Variants in PACRG observed in about 807,000 individuals in gnomAD.
PACRG encodes parkin coregulated gene protein.
PACRG carries 29 observed loss-of-function variants against 29.7 expected under a neutral mutation model. The observed-to-expected ratio is 0.98, with a 90% CI of 0.73 to 1.33. The LOEUF (loss-of-function observed/expected upper bound fraction) is 1.33. Ranked by LOEUF, PACRG falls within the 40% of genes most tolerant of loss-of-function variation. The pLI is 0.00. For missense variants in PACRG, 279 were observed against 316.2 expected (o/e 0.88, Z 0.89); for synonymous variants, 116 against 118.7 (o/e 0.98, Z 0.15).
At chr6:162,759,018 C>T (rs187231481) in intron 1 of PACRG, among the ~76,000 whole-genome samples, 742 of 152,178 alleles carry the variant, frequency 4.9e-3, no homozygotes, top group Non-Finnish European at 6.8e-3. Flanking sequence ...GTGTTTCTAG[C>T]CATTGAAGAA....
chr6:163,075,107 G>C (rs1315709152), intron 3 of PACRG, among the ~76,000 whole-genome samples: 3 of 152,084 alleles, frequency 2.0e-5, no homozygotes, highest in African/African-American at 7.2e-5. Flanking sequence ...TATCATGATA[G>C]GGTATTAAGA....
chr6:162,835,435 A>G (rs1789138637), intron 2 of PACRG, among the ~76,000 whole-genome samples: 1 of 152,130 alleles, frequency 6.6e-6, no homozygotes. Flanking sequence ...GTCTTGAGTC[A>G]TTGGAACATG....
intron 4 of PACRG, among the ~76,000 whole-genome samples, chr6:163,203,960 G>T (rs537137631): frequency 2.0e-5 from 3 of 152,304 alleles, no homozygotes; most frequent in African/African-American, 7.2e-5. Context: ...TTTTAATTAG[G>T]ATCCTGTAAG....
At chr6:162,887,138 C>T (rs1042147995) in intron 2 of PACRG, among the ~76,000 whole-genome samples, 7 of 152,140 alleles carry the variant, frequency 4.6e-5, no homozygotes, top group African/African-American at 1.7e-4. Flanking sequence ...GGCCTCACCA[C>T]CATGTGCTCA....
intron 4 of PACRG, among the ~76,000 whole-genome samples, chr6:163,296,321 C>T (rs1290349537): frequency 6.6e-6 from 1 of 152,042 alleles, no homozygotes; most frequent in African/African-American, 2.4e-5. Context: ...GACGGAATCT[C>T]GCCCTGTCGC....
chr6:162,965,514 G>A (rs1373019953), intron 2 of PACRG, among the ~76,000 whole-genome samples: 1 of 152,112 alleles, frequency 6.6e-6, no homozygotes, highest in African/African-American at 2.4e-5. Flanking sequence ...TCTGTTTTGG[G>A]CCTCTTTTGT....
Position 163,156,032 on chromosome 6 carries a change from C to T in PACRG, c.613+66624C>T, listed in dbSNP as rs144497623. On this transcript the variant is annotated intron_variant, in intron 4 of 4. Coordinates refer to ENST00000366888, the MANE Select transcript of PACRG (RefSeq NM_001080379.2). ...CTGAGCCCCGAGACAGGCCGAGGGG[C>T]CCTTCGCAGCGCTCTCCTGAGGAAG... Among the ~76,000 whole-genome samples, 1,153 of 152,348 alleles carry T rather than the reference C, an allele frequency of 7.6e-3. 12 individuals are homozygous for T. Among genetic ancestry groups the T allele is most frequent in the African/African-American group, 0.027 (1,104 of 41,586 alleles).
At chr6:163,233,200 C>G (rs929902732) in intron 4 of PACRG, among the ~76,000 whole-genome samples, 5 of 152,206 alleles carry the variant, frequency 3.3e-5, no homozygotes, top group African/African-American at 1.2e-4. Flanking sequence ...ATTTTTCTCA[C>G]CTACTTTCAT....
rs372129972 is a variant in PACRG at position 163,109,706 on chromosome 6, G to T, written c.613+20298G>T. On this transcript the variant is annotated intron_variant, in intron 4 of 4. Coordinates refer to ENST00000366888, the MANE Select transcript of PACRG (RefSeq NM_001080379.2). ...TGGGACAAATGACACTTTTGTAAAA[G>T]AAGAAACAGAAAACCTGCCAATTGA... Among the ~76,000 whole-genome samples the T allele has an allele frequency of 7.9e-5, 12 of 152,224 alleles. No individual in the cohort carries two copies. The South Asian group carries it at 2.5e-3, about 32-fold the overall frequency.
chr6:163,068,555 T>G (rs1374187782), intron 3 of PACRG, among the ~76,000 whole-genome samples: 1 of 152,136 alleles, frequency 6.6e-6, no homozygotes, highest in African/African-American at 2.4e-5. Flanking sequence ...TAAAAACTTT[T>G]TATGTGTTAC....
At chr6:162,757,392 T>C (rs1230604896) in intron 1 of PACRG, among the ~76,000 whole-genome samples, 1 of 152,214 alleles carries the variant, frequency 6.6e-6, no homozygotes, top group African/African-American at 2.4e-5. Context: ...GGCTCACGCC[T>C]GTAATCCCAG....
intron 2 of PACRG, among the ~76,000 whole-genome samples, chr6:163,014,778 T>A (rs891256010): frequency 2.6e-4 from 40 of 152,202 alleles, no homozygotes; most frequent in African/African-American, 8.9e-4. Context: ...TTTGCAAATA[T>A]CTTCTTCCAT....
At chr6:162,891,455 A>G (rs1794752323) in intron 2 of PACRG, among the ~76,000 whole-genome samples, 1 of 152,134 alleles carries the variant, frequency 6.6e-6, no homozygotes, top group Non-Finnish European at 1.5e-5. Flanking sequence ...GGCCTGGTTC[A>G]GTGATGATTT....
At chr6:163,127,189 G>C (rs1386638966) in intron 4 of PACRG, among the ~76,000 whole-genome samples, 1 of 152,160 alleles carries the variant, frequency 6.6e-6, no homozygotes, top group Non-Finnish European at 1.5e-5. Context: ...GCTCTGCCCA[G>C]CTCTGACTCT....
chr6:162,801,824 A>G (rs538389044), intron 1 of PACRG, among the ~76,000 whole-genome samples: 22 of 152,300 alleles, frequency 1.4e-4, no homozygotes, highest in African/African-American at 5.0e-4. Context: ...TATAAAATTT[A>G]TAGAAAATTC....
chr6:162,992,186 T>C (rs1273760900), intron 2 of PACRG, among the ~76,000 whole-genome samples: 1 of 130,508 alleles, frequency 7.7e-6, no homozygotes, highest in Non-Finnish European at 1.6e-5. Context: ...ATCAAGGATA[T>C]TGGTCTAAAA....
chr6:162,985,421 G>A (rs149132288), intron 2 of PACRG, among the ~76,000 whole-genome samples: 1 of 152,052 alleles, frequency 6.6e-6, no homozygotes, highest in East Asian at 1.9e-4. Context: ...CAGTAACTGT[G>A]ATAAACCACA....
intron 4 of PACRG, among the ~76,000 whole-genome samples, chr6:163,159,965 C>T (rs1463596288): frequency 2.6e-5 from 4 of 152,126 alleles, no homozygotes; most frequent in Admixed American, 1.3e-4. Context: ...CCTTGCCAGC[C>T]CTGCTCCGAC....
intron 4 of PACRG, among the ~76,000 whole-genome samples, chr6:163,206,561 G>A (rs1780911235): frequency 6.6e-6 from 1 of 152,134 alleles, no homozygotes; most frequent in African/African-American, 2.4e-5. Context: ...GCTGGAGGCT[G>A]GGAGAAGGGA....
Sources: allele counts gnomAD v4.1 joint callset (sites outside exome capture counted in the v4.1 genomes callset), GRCh38; gene constraint gnomAD v4.1.1; transcripts MANE v1.5; gene names NCBI Gene and HGNC (gene_info 2026-07-23, HGNC 2026-07-21).